The following NTM variants were observed in gnomAD, a reference collection of about 807,000 sequenced individuals.
The protein encoded by NTM is IgLON family member 2.
In NTM, 13 loss-of-function variants were observed where a neutral mutation model predicts 42.1. That is an observed-to-expected ratio of 0.31 (90% confidence interval 0.20 to 0.49). The LOEUF (loss-of-function observed/expected upper bound fraction) is 0.49, where lower values mean the gene tolerates loss of function less well. Among genes scored for constraint, NTM ranks in the 20% least tolerant of loss-of-function variants. The pLI is 0.99. For missense variants in NTM, 373 were observed against 452.8 expected (o/e 0.82, Z 1.60); for synonymous variants, 187 against 179.2 (o/e 1.04, Z -0.35).
intron 2 of NTM, among the ~76,000 whole-genome samples, chr11:132,055,019 T>G (rs1594167962): frequency 6.6e-6 from 1 of 152,194 alleles, no homozygotes; most frequent in East Asian, 1.9e-4. Flanking sequence ...AGGAAGTGGA[T>G]TCCAGCTTTT....
intron 4 of NTM, among the ~76,000 whole-genome samples, chr11:132,258,013 C>A (rs1405706706): frequency 6.6e-6 from 1 of 152,220 alleles, no homozygotes; most frequent in African/African-American, 2.4e-5. Context: ...TTTGTGACAG[C>A]AAGAACACAT....
At chr11:131,461,651 T>C (rs1054941772) in intron 1 of NTM, among the ~76,000 whole-genome samples, 4 of 152,158 alleles carry the variant, frequency 2.6e-5, no homozygotes, top group African/African-American at 9.7e-5. Context: ...TTAATAATAA[T>C]GCATTGTATA....
At chr11:131,598,401 C>T (rs966789049) in intron 1 of NTM, among the ~76,000 whole-genome samples, 13 of 152,238 alleles carry the variant, frequency 8.5e-5, no homozygotes, top group Admixed American at 5.9e-4. Flanking sequence ...CCTTGTACTA[C>T]ACGCTTGTCT....
intron 1 of NTM, among the ~76,000 whole-genome samples, chr11:131,895,496 G>A (rs2137591320): frequency 6.6e-6 from 1 of 152,192 alleles, no homozygotes; most frequent in East Asian, 1.9e-4. Context: ...CATATACTTT[G>A]CTCAGTGTTG....
chr11:131,451,389 G>A (rs1010969544), intron 1 of NTM, among the ~76,000 whole-genome samples: 1 of 152,228 alleles, frequency 6.6e-6, no homozygotes, highest in African/African-American at 2.4e-5. Flanking sequence ...ACCATCAGGT[G>A]CTAATTATGC....
chr11:131,828,938 A>ATT lies in NTM; in HGVS notation c.83-82624_83-82623dup, dbSNP rs2042468105. On this transcript the variant is annotated intron_variant, in intron 1 of 8. Transcript: ENST00000683400. ...ACTTACCCTGTCATTACCATCTTTTATTTCTCTCTCTCTCTTCCTCTCCCT... is the reference window on the plus strand; with the variant it reads ...ACTTACCCTGTCATTACCATCTTTTATTTTTCTCTCTCTCTCTTCCTCTCCCT... Among the ~76,000 whole-genome samples, 3 of 147,178 alleles carry ATT rather than the reference A, an allele frequency of 2.0e-5. No individual in the cohort carries two copies. The East Asian group carries it at 6.9e-4, about 34-fold the overall frequency.
Position 132,087,296 on chromosome 11 carries a change from G to A in NTM, c.168-58986G>A, listed in dbSNP as rs975529907. Among the ~76,000 whole-genome samples the A allele has an allele frequency of 4.6e-5, 7 of 152,220 alleles. No homozygotes were observed. In the East Asian group the frequency reaches 1.4e-3, roughly 29 times the overall value. ...TCCCTCTGCTGTCAGTAGCCTTTGA[G>A]TTTCCTAGACCTCATTTATGCCATG... On this transcript the variant is annotated intron_variant, in intron 2 of 8. Coordinates refer to ENST00000683400, the MANE Select transcript of NTM (RefSeq NM_001352005.2).
chr11:132,188,197 C>A (rs2078733975), intron 3 of NTM, among the ~76,000 whole-genome samples: 1 of 152,140 alleles, frequency 6.6e-6, no homozygotes, highest in Non-Finnish European at 1.5e-5. Context: ...AAACATCCTG[C>A]AATGCACAGG....
chr11:131,878,418 T>C (rs1212990798), intron 1 of NTM, among the ~76,000 whole-genome samples: 1 of 150,526 alleles, frequency 6.6e-6, no homozygotes, highest in Non-Finnish European at 1.5e-5. Context: ...TTACTAAAAC[T>C]ACAAAAATTT....
intron 1 of NTM, among the ~76,000 whole-genome samples, chr11:131,469,487 C>A (rs1274885783): frequency 6.6e-6 from 1 of 152,192 alleles, no homozygotes; most frequent in Non-Finnish European, 1.5e-5. Flanking sequence ...TTGTCCACTA[C>A]ATTATACTGC....
chr11:131,774,212 C>T (rs1048660784), intron 1 of NTM: 1 of 689,494 alleles, frequency 1.5e-6, no homozygotes. Context: ...GCTTCTTACC[C>T]CTCAGGCACT....
intron 3 of NTM, among the ~76,000 whole-genome samples, chr11:132,150,855 A>G (rs913190272): frequency 8.5e-5 from 13 of 152,194 alleles, no homozygotes; most frequent in African/African-American, 3.1e-4. Context: ...ATCACATGGC[A>G]AAACTGATTC....
chr11:132,163,243 A>T lies in NTM; in HGVS notation c.400+16729A>T, dbSNP rs548436973. On this transcript the variant is annotated intron_variant, in intron 3 of 8. Coordinates refer to ENST00000683400, the MANE Select transcript of NTM (RefSeq NM_001352005.2). Reference sequence around the variant, plus strand: ...GATCTCCTCTGGCTCCTCTAGGCCCAGAGGCCTCTTCTGCTCCAGGCTGGG... The same window carrying T: ...GATCTCCTCTGGCTCCTCTAGGCCCTGAGGCCTCTTCTGCTCCAGGCTGGG... 3.3e-5 allele frequency among the ~76,000 whole-genome samples: 5 copies of T among 152,294 alleles called. No homozygotes were observed. In the South Asian group the frequency reaches 1.0e-3, roughly 32 times the overall value.
At chr11:131,932,229 CAT>C (rs1157017968) in intron 2 of NTM, among the ~76,000 whole-genome samples, 28 of 152,274 alleles carry the variant, frequency 1.8e-4, no homozygotes, top group African/African-American at 6.3e-4. Flanking sequence ...ACATACAAAA[CAT>C]AGAATAAATT....
chr11:131,808,959 A>G (rs951184966), intron 1 of NTM, among the ~76,000 whole-genome samples: 2 of 152,244 alleles, frequency 1.3e-5, no homozygotes, highest in African/African-American at 4.8e-5. Flanking sequence ...TAGAAGATAC[A>G]TCACACCTAC....
chr11:132,205,259 T>C (rs1158821882), intron 3 of NTM, among the ~76,000 whole-genome samples: 1 of 152,160 alleles, frequency 6.6e-6, no homozygotes, highest in Non-Finnish European at 1.5e-5. Flanking sequence ...CTTATGTGCA[T>C]TCTCAGCCCC....
rs146650750 is a variant in NTM, at chr11:132,299,518, G to C, written c.527-8171G>C. On this transcript the variant is annotated intron_variant, in intron 4 of 8. Transcript: ENST00000683400. ...TTTCCCAGGTATAAAAGAAGTTCAG[G>C]TGAAGTAAATAGGAATCTGAGCTGA... 7.3e-3 allele frequency among the ~76,000 whole-genome samples: 1,105 copies of C among 152,256 alleles called. 18 individuals are homozygous for C. Among genetic ancestry groups the C allele is most frequent in the African/African-American group, 0.025 (1,039 of 41,540 alleles).
intron 1 of NTM, among the ~76,000 whole-genome samples, chr11:131,413,353 CT>C (rs1321077914): frequency 6.6e-6 from 1 of 152,158 alleles, no homozygotes; most frequent in Non-Finnish European, 1.5e-5. Flanking sequence ...AGCGTGCTTC[CT>C]TTTGCTTTCT....
Position 132,179,068 on chromosome 11 carries a change from G to A in NTM, c.400+32554G>A, listed in dbSNP as rs531493047. On this transcript the variant is annotated intron_variant, in intron 3 of 8. Coordinates refer to ENST00000683400, the MANE Select transcript of NTM (RefSeq NM_001352005.2). ...GTTTCAGGCACTCTATACTGTCTGGGTATTCAGAGATAAAAGAGAATTGCT... is the reference window on the plus strand; with the variant it reads ...GTTTCAGGCACTCTATACTGTCTGGATATTCAGAGATAAAAGAGAATTGCT... 3.0e-4 allele frequency among the ~76,000 whole-genome samples: 45 copies of A among 152,156 alleles called. No homozygotes were observed. The South Asian group carries it at 3.7e-3, about 13-fold the overall frequency.
Sources: gnomAD v4.1 joint callset for allele counts (sites outside exome capture counted in the v4.1 genomes callset) on GRCh38, gnomAD v4.1.1 for gene constraint, MANE v1.5 for transcripts, NCBI Gene and HGNC (gene_info 2026-07-23, HGNC 2026-07-21) for gene names.